CRACD: variants seen among roughly 807,000 people sequenced by gnomAD.
The protein encoded by CRACD is capping protein inhibiting regulator of actin dynamics.
CRACD carries 56 observed loss-of-function variants against 106.8 expected under a neutral mutation model. The ratio of observed to expected loss-of-function variants is 0.52; its 90% CI spans 0.42 to 0.66. The LOEUF is 0.66. Ranked by LOEUF, CRACD falls within the 30% of genes least tolerant of loss-of-function variation. The pLI is 0.00. For missense variants in CRACD, 1,730 were observed against 1,623.2 expected, an observed-to-expected ratio of 1.07 and a Z score of -1.13; for synonymous variants, 754 against 670.8, an observed-to-expected ratio of 1.12 and a Z score of -1.92.
chr4:56,197,777 A>G (rs573007031), intron 2 of CRACD, among the ~76,000 whole-genome samples: 1 of 151,818 alleles, frequency 6.6e-6, no homozygotes, highest in Non-Finnish European at 1.5e-5. Flanking sequence ...TCCCGGGTTC[A>G]CGCCGTTCTC....
At chr4:56,058,715 A>G (rs141281247) in intron 1 of CRACD, among the ~76,000 whole-genome samples, 3 of 152,352 alleles carry the variant, frequency 2.0e-5, no homozygotes, top group African/African-American at 4.8e-5. Context: ...CCTAATCAAC[A>G]TAGGCAGCTC....
chr4:56,123,236 G>C (rs1734548451), intron 1 of CRACD, among the ~76,000 whole-genome samples: 1 of 152,120 alleles, frequency 6.6e-6, no homozygotes, highest in South Asian at 2.1e-4. Flanking sequence ...TGGATTAGTT[G>C]GCTTAGCTGC....
intron 1 of CRACD, among the ~76,000 whole-genome samples, chr4:56,121,148 T>C (rs1438190873): frequency 6.6e-6 from 1 of 152,206 alleles, no homozygotes; most frequent in Non-Finnish European, 1.5e-5. Context: ...GTACTAATCA[T>C]TATTGTCTTG....
At chr4:56,251,424 G>C (rs1391590357) in intron 2 of CRACD, among the ~76,000 whole-genome samples, 2 of 152,218 alleles carry the variant, frequency 1.3e-5, no homozygotes, top group African/African-American at 4.8e-5. Flanking sequence ...GACGTGTCTG[G>C]TGTGTGCAGA....
At chr4:56,107,214 C>G (rs1733978756) in intron 1 of CRACD, among the ~76,000 whole-genome samples, 1 of 152,108 alleles carries the variant, frequency 6.6e-6, no homozygotes, top group African/African-American at 2.4e-5. Context: ...CTCCTAGCCT[C>G]AAATGATCCT....
At chr4:56,116,502 G>T (rs1215937560) in intron 1 of CRACD, among the ~76,000 whole-genome samples, 3 of 152,114 alleles carry the variant, frequency 2.0e-5, no homozygotes, top group African/African-American at 7.2e-5. Context: ...ATTATAGAGG[G>T]ATCTGTGCTT....
At chr4:56,194,017 G>A (rs1241575951) in intron 2 of CRACD, among the ~76,000 whole-genome samples, 1 of 152,096 alleles carries the variant, frequency 6.6e-6, no homozygotes, top group Non-Finnish European at 1.5e-5. Context: ...AGTCAGCATA[G>A]GTAGGCATAA....
intron 6 of CRACD, 60 bp downstream of exon 6, chr4:56,310,794 C>CT (rs1165926419): frequency 1.0e-6 from 1 of 959,966 alleles, no homozygotes. Flanking sequence ...CATCTTCCCC[C>CT]CCCCTTTTTT....
intron 3 of CRACD, among the ~76,000 whole-genome samples, chr4:56,291,073 C>A (rs1743675250): frequency 6.6e-6 from 1 of 152,182 alleles, no homozygotes; most frequent in South Asian, 2.1e-4. Flanking sequence ...TTTTAGAGGT[C>A]TTTATACAGC....
chr4:56,314,410 C>CGGAGCGGAGGGAGCAGAG lies in CRACD; in HGVS notation c.922_923insAGAGGGAGCGGAGGGAGC (p.Glu307_Arg308insGlnArgGluArgArgGlu). 1.3e-6 allele frequency: 2 copies of CGGAGCGGAGGGAGCAGAG among 1,540,992 alleles called. No individual in the cohort carries two copies. The highest frequency in any genetic ancestry group is 1.7e-6 in the Non-Finnish European group (2 of 1,143,526). ...CTGGAAGCGCCAGGTTGGGAGGACGCGGAGCGGAGGGAGCGTGAGGAGCGC... is the reference window on the plus strand; with the variant it reads ...CTGGAAGCGCCAGGTTGGGAGGACGCGGAGCGGAGGGAGCAGAGGGAGCGGAGGGAGCGTGAGGAGCGC... On this transcript the variant is annotated inframe_insertion, in exon 8 of 11. Coordinates refer to ENST00000682029, the MANE Select transcript of CRACD (RefSeq NM_001393381.1). The surrounding 1 kb of genome is among the most constrained non-coding windows in gnomAD (Gnocchi z 4.4).
At chr4:56,141,607 A>C (rs1317468959) in intron 1 of CRACD, among the ~76,000 whole-genome samples, 3 of 151,744 alleles carry the variant, frequency 2.0e-5, no homozygotes, top group African/African-American at 7.3e-5. Context: ...AAAACTTAAC[A>C]AAAAAAGCAA....
rs1448538583 is a variant in CRACD at position 56,313,373 on chromosome 4, T to C, written c.531T>C (p.Leu177=). ...KQRVSKKHRR[L]AQDPQHEQGG... Reference sequence around the variant, plus strand: ...GGGTGTCAAAGAAGCACAGGCGCCTTGCCCAGGTGTGTAGAGCCTGCACGG... The same window carrying C: ...GGGTGTCAAAGAAGCACAGGCGCCTCGCCCAGGTGTGTAGAGCCTGCACGG... The change falls in exon 7 of 11, where the codon CTT becomes CTC. Residue 177 remains leucine, a synonymous_variant. Coordinates refer to ENST00000682029, the MANE Select transcript of CRACD (RefSeq NM_001393381.1). 2 of 1,613,304 alleles carry C rather than the reference T, an allele frequency of 1.2e-6. No homozygotes were observed. Among genetic ancestry groups the C allele is most frequent in the Non-Finnish European group, 1.7e-6 (2 of 1,179,840 alleles).
chr4:56,060,818 A>G (rs1732244765), intron 1 of CRACD, among the ~76,000 whole-genome samples: 1 of 152,180 alleles, frequency 6.6e-6, no homozygotes. Flanking sequence ...AAGTGACACC[A>G]GAGAGAGCTC....
intron 3 of CRACD, among the ~76,000 whole-genome samples, chr4:56,287,384 G>T (rs1263838001): frequency 6.6e-6 from 1 of 152,010 alleles, no homozygotes; most frequent in Non-Finnish European, 1.5e-5. Context: ...CCAGGTTCAA[G>T]CAATTCTTCT....
At chr4:56,146,898 G>A (rs1369093930) in intron 1 of CRACD, among the ~76,000 whole-genome samples, 1 of 152,186 alleles carries the variant, frequency 6.6e-6, no homozygotes, top group African/African-American at 2.4e-5. Flanking sequence ...AATGCTAGCA[G>A]ATGGGAGAAT....
At chr4:56,240,769 C>T (rs1032452707) in intron 2 of CRACD, among the ~76,000 whole-genome samples, 2 of 152,214 alleles carry the variant, frequency 1.3e-5, no homozygotes, top group African/African-American at 2.4e-5. Context: ...CAGGCATAAG[C>T]CGCCACACCT....
At chr4:56,286,299 G>A (rs1445847837) in intron 3 of CRACD, among the ~76,000 whole-genome samples, 2 of 151,702 alleles carry the variant, frequency 1.3e-5, no homozygotes, top group East Asian at 2.0e-4. Flanking sequence ...AGGCTGAGGC[G>A]TGAGAATCTC....
intron 4 of CRACD, among the ~76,000 whole-genome samples, chr4:56,304,665 C>T (rs1744576407): frequency 6.6e-6 from 1 of 152,006 alleles, no homozygotes; most frequent in Admixed American, 6.6e-5. Flanking sequence ...ATCTGTAGTC[C>T]CACCTATTTA....
At chr4:56,301,160 T>G in intron 4 of CRACD, 2 of 1,017,358 alleles carry the variant, frequency 2.0e-6, no homozygotes, top group Non-Finnish European at 2.6e-6. Context: ...AAAATGTGAT[T>G]TTTTTTTTGG....
Sources: allele counts gnomAD v4.1 joint callset (sites outside exome capture counted in the v4.1 genomes callset), GRCh38; gene constraint gnomAD v4.1.1; non-coding constraint Gnocchi (gnomAD v3.1); transcripts MANE v1.5; gene names NCBI Gene and HGNC (gene_info 2026-07-23, HGNC 2026-07-21).